Variants in MAP2K2 observed in about 807,000 individuals in gnomAD.
MAP2K2 encodes mitogen-activated protein kinase kinase 2.
In MAP2K2, 24 loss-of-function variants were observed where a neutral mutation model predicts 43.7. The observed-to-expected ratio is 0.55, with a 90% CI of 0.40 to 0.77. The LOEUF is 0.77. Among genes scored for constraint, MAP2K2 ranks in the 30% least tolerant of loss-of-function variants. The pLI is 0.00. For missense variants in MAP2K2, 470 were observed against 566.8 expected (o/e 0.83, Z 1.73); for synonymous variants, 244 against 239.7 (o/e 1.02, Z -0.17).
intron 1 of MAP2K2, among the ~76,000 whole-genome samples, chr19:4,123,362 C>G (rs2041324791): frequency 6.6e-6 from 1 of 152,000 alleles, no homozygotes; most frequent in Non-Finnish European, 1.5e-5. Context: ...TGCTCAGGGA[C>G]CCCTGTCCCC....
chr19:4,097,263 G>A lies in MAP2K2; in HGVS notation c.984+16C>T, dbSNP rs1273745462. ...AAGAAAAGGAAAAGAAAAGCCAAAA[G>A]GCATCAAGCACAAACCTCGTTCACA... On this transcript the variant is annotated intron_variant, in intron 8 of 10. Coordinates refer to ENST00000262948, the MANE Select transcript of MAP2K2 (RefSeq NM_030662.4). 5 of 1,563,542 alleles carry A rather than the reference G, an allele frequency of 3.2e-6. No homozygotes were observed. Among genetic ancestry groups the A allele is most frequent in the Admixed American group, 1.7e-5 (1 of 59,454 alleles).
chr19:4,109,212 G>A (rs1430314416), intron 3 of MAP2K2, among the ~76,000 whole-genome samples: 1 of 152,164 alleles, frequency 6.6e-6, no homozygotes, highest in Non-Finnish European at 1.5e-5. Flanking sequence ...TTCCTCCGGG[G>A]TTTTGAGCTC....
In MAP2K2 at chr19:4,123,521, GC is replaced by G. The variant is rs1009375361; in HGVS notation, c.92+262del. ...AATCTCACTGCTCAAAGACCCCCCT[GC>G]CCCGTGCACCCTTCGCCCCGTCCTC... On this transcript the variant is annotated intron_variant, in intron 1 of 10. Transcript: ENST00000262948. Among the ~76,000 whole-genome samples, 39 of 112,302 alleles carry G rather than the reference GC, an allele frequency of 3.5e-4. 1 individual carries two copies. The highest frequency in any genetic ancestry group is 1.9e-5 in the Non-Finnish European group (1 of 53,302). 73.7% of individuals were successfully genotyped at this position (112,302 alleles called of 152,430 possible). A position where few individuals can be genotyped will look rare whatever the true frequency, so the allele number is the denominator to read the frequency against.
intron 3 of MAP2K2, among the ~76,000 whole-genome samples, chr19:4,109,734 C>A (rs2041130962): frequency 6.6e-6 from 1 of 152,082 alleles, no homozygotes; most frequent in Non-Finnish European, 1.5e-5. Flanking sequence ...CCTCAGCCTC[C>A]CAAAATGGTA....
chr19:4,097,287 C>A lies in MAP2K2; in HGVS notation c.976G>T (p.Val326Leu). The A allele has an allele frequency of 1.2e-6, 2 of 1,606,170 alleles. No homozygotes were observed. The highest frequency in any genetic ancestry group is 1.7e-6 in the Non-Finnish European group (2 of 1,176,354). Residue 326 changes from valine (V) to leucine (L), a missense_variant, in exon 8 of 11, where the codon GTG becomes TTG. Physicochemically the swap from Val to Leu is conservative, Grantham distance 32 (BLOSUM62 1). Coordinates refer to ENST00000262948, the MANE Select transcript of MAP2K2 (RefSeq NM_030662.4). ...MAIFELLDYI[V>L]NEPPPKLPNG... ...AGGCATCAAGCACAAACCTCGTTCA[C>A]AATATAGTCCAGGAGTTCAAAGATG...
intron 1 of MAP2K2, among the ~76,000 whole-genome samples, chr19:4,120,402 C>A (rs1474892258): frequency 6.6e-6 from 1 of 152,236 alleles, no homozygotes; most frequent in African/African-American, 2.4e-5. Context: ...CAACCTCTGC[C>A]TCCTGGGTCC....
At chr19:4,120,512 T>G (rs2041279583) in intron 1 of MAP2K2, among the ~76,000 whole-genome samples, 1 of 152,158 alleles carries the variant, frequency 6.6e-6, no homozygotes, top group South Asian at 2.1e-4. Flanking sequence ...AGACGGGGTT[T>G]TGCCATGTTG....
rs780740781 is a variant in MAP2K2, at chr19:4,123,877, G to A, written c.-2C>T. On this transcript the variant is annotated 5_prime_UTR_variant, in exon 1 of 11. Coordinates refer to ENST00000262948, the MANE Select transcript of MAP2K2 (RefSeq NM_030662.4). ...CACCGGCTTCCTCCGGGCCAGCATCGGGGCTCCGCGGGCCGGCGGCGGCGG... is the reference window on the plus strand; with the variant it reads ...CACCGGCTTCCTCCGGGCCAGCATCAGGGCTCCGCGGGCCGGCGGCGGCGG... The A allele has an allele frequency of 6.9e-7, 1 of 1,441,572 alleles. No individual in the cohort carries two copies. The highest frequency in any genetic ancestry group is 9.2e-7 in the Non-Finnish European group (1 of 1,092,434). 89.3% of individuals were successfully genotyped at this position (1,441,572 alleles called of 1,614,324 possible).
At chr19:4,094,034 C>T (rs968070811) in intron 10 of MAP2K2, among the ~76,000 whole-genome samples, 8 of 152,150 alleles carry the variant, frequency 5.3e-5, no homozygotes, top group Admixed American at 2.0e-4. Context: ...CACCGAAGTA[C>T]GCACGGCCTC....
At position 4,090,393 on chromosome 19, in the gene MAP2K2, C is replaced by T. The variant is rs917118311; in HGVS notation, c.*205G>A. The T allele has an allele frequency of 2.3e-5, 14 of 621,776 alleles. No homozygotes were observed. The highest frequency in any genetic ancestry group is 2.5e-5 in the Admixed American group (1 of 39,446). The allele number at this position is 621,776 out of a possible 1,614,324, so 38.5% of individuals were successfully genotyped here. The stretch of plus-strand genomic sequence containing the variant: ...CCTCTGAGACCACACACAGCAGCGT[C>T]GCCCGTCCCCAGAGGCACCCCGGCC... On this transcript the variant is annotated 3_prime_UTR_variant, in exon 11 of 11. Transcript: ENST00000262948.
At chr19:4,094,607 G>A (rs1348251606) in intron 9 of MAP2K2, 109 bp from the exon 10 acceptor site, 3 of 1,030,730 alleles carry the variant, frequency 2.9e-6, no homozygotes, top group Non-Finnish European at 4.4e-6. Flanking sequence ...AGGGGGCCTG[G>A]ATCTCTCCGA....
intron 3 of MAP2K2, chr19:4,102,816 C>G (rs549729328): frequency 8.2e-7 from 1 of 1,222,624 alleles, no homozygotes; most frequent in Admixed American, 3.5e-5. Flanking sequence ...CTGCAGCCTA[C>G]GTGGTGGGCT....
chr19:4,100,680 A>G, intron 6 of MAP2K2: 1 of 360,580 alleles, frequency 2.8e-6, no homozygotes, highest in Non-Finnish European at 5.2e-6. Context: ...ACAAATAAAA[A>G]ATAAAGAGCA....
chr19:4,106,040 T>C (rs967459299), intron 3 of MAP2K2, among the ~76,000 whole-genome samples: 1 of 152,206 alleles, frequency 6.6e-6, no homozygotes, highest in Non-Finnish European at 1.5e-5. Flanking sequence ...CAATCATAGC[T>C]CACTGCAGCC....
chr19:4,123,679 C>T, intron 1 of MAP2K2, 105 bp downstream of exon 1: 1 of 798,148 alleles, frequency 1.3e-6, no homozygotes, highest in Non-Finnish European at 1.9e-6. Flanking sequence ...CGTGACCCCC[C>T]TGCCTCGTGC....
In MAP2K2 at chr19:4,095,185, C is replaced by T. The variant is rs866228068; in HGVS notation, c.1046+203G>A. 16 of 573,444 alleles carry T rather than the reference C, an allele frequency of 2.8e-5. No homozygotes were observed. The Middle Eastern group carries it at 1.9e-3, about 67-fold the overall frequency. 35.5% of individuals were successfully genotyped at this position (573,444 alleles called of 1,614,324 possible). A position where few individuals can be genotyped will look rare whatever the true frequency, so the allele number is the denominator to read the frequency against. On this transcript the variant is annotated intron_variant, in intron 9 of 10. Coordinates refer to ENST00000262948, the MANE Select transcript of MAP2K2 (RefSeq NM_030662.4). ...TGCAATCCTGCTTCACCCCTGGGCTCACGGACAGGATGGCATGGCAGCCGG... is the reference window on the plus strand; with the variant it reads ...TGCAATCCTGCTTCACCCCTGGGCTTACGGACAGGATGGCATGGCAGCCGG...
At chr19:4,117,874 G>A (rs952525209) in intron 1 of MAP2K2, among the ~76,000 whole-genome samples, 6 of 152,294 alleles carry the variant, frequency 3.9e-5, no homozygotes, top group African/African-American at 1.4e-4. Context: ...AAGTCTAGCA[G>A]ACCTCAGGAC....
At chr19:4,122,170 C>G (rs1422403509) in intron 1 of MAP2K2, among the ~76,000 whole-genome samples, 1 of 135,486 alleles carries the variant, frequency 7.4e-6, no homozygotes, top group Non-Finnish European at 1.6e-5. Context: ...CCTCCCACCC[C>G]ATCTCTCCCC....
At chr19:4,091,002 C>T (rs532793480) in intron 10 of MAP2K2, among the ~76,000 whole-genome samples, 1 of 152,328 alleles carries the variant, frequency 6.6e-6, no homozygotes, top group South Asian at 2.1e-4. Context: ...CTCGCGCAAG[C>T]CCAGGGTCCT....
Sources: gnomAD v4.1 joint callset for allele counts (sites outside exome capture counted in the v4.1 genomes callset) on GRCh38, gnomAD v4.1.1 for gene constraint, MANE v1.5 for transcripts, NCBI Gene and HGNC (gene_info 2026-07-23, HGNC 2026-07-21) for gene names.